MIPOL1: variants seen among roughly 807,000 people sequenced by gnomAD.
MIPOL1 encodes mirror-image polydactyly 1.
MIPOL1 carries 57 observed loss-of-function variants against 60.9 expected under a neutral mutation model. The observed-to-expected ratio is 0.94, with a 90% CI of 0.76 to 1.17. The LOEUF (loss-of-function observed/expected upper bound fraction) is 1.17. Among genes scored for constraint, MIPOL1 ranks in the 50% most tolerant of loss-of-function variants. The pLI is 0.00. For synonymous variants in MIPOL1, 179 were observed against 168.8 expected (o/e 1.06, Z -0.47); for missense variants, 551 against 511.6 (o/e 1.08, Z -0.74).
chr14:37,360,793 A>T (rs1300288173), intron 9 of MIPOL1, among the ~76,000 whole-genome samples: 1 of 152,094 alleles, frequency 6.6e-6, no homozygotes, highest in East Asian at 1.9e-4. Context: ...GATTTTTTTG[A>T]AGGGTTTTTT....
intron 10 of MIPOL1, among the ~76,000 whole-genome samples, chr14:37,378,746 G>A (rs1378107444): frequency 6.6e-6 from 1 of 151,686 alleles, no homozygotes; most frequent in Non-Finnish European, 1.5e-5. Context: ...AAGGAAAGAA[G>A]GTACTTTCCT....
chr14:37,528,262 C>T (rs954690800), intron 12 of MIPOL1, among the ~76,000 whole-genome samples: 2 of 151,850 alleles, frequency 1.3e-5, no homozygotes, highest in Non-Finnish European at 2.9e-5. Flanking sequence ...TGAAAAACTT[C>T]CTATGTTATT....
intron 3 of MIPOL1, among the ~76,000 whole-genome samples, chr14:37,263,816 C>A (rs2082678765): frequency 6.6e-6 from 1 of 152,090 alleles, no homozygotes; most frequent in South Asian, 2.1e-4. Context: ...CGTTTCAAAC[C>A]ATATGAAAGA....
intron 11 of MIPOL1, among the ~76,000 whole-genome samples, chr14:37,492,519 T>C (rs568823920): frequency 1.3e-5 from 2 of 152,226 alleles, no homozygotes; most frequent in Non-Finnish European, 2.9e-5. Flanking sequence ...TTAAAAATTA[T>C]ACAGATATGA....
intron 6 of MIPOL1, among the ~76,000 whole-genome samples, chr14:37,275,269 A>G (rs1371732304): frequency 6.6e-6 from 1 of 151,232 alleles, no homozygotes; most frequent in African/African-American, 2.4e-5. Context: ...TCATTAAATT[A>G]TACATGTGGG....
chr14:37,490,022 A>G (rs2095023861), intron 11 of MIPOL1, among the ~76,000 whole-genome samples: 2 of 152,086 alleles, frequency 1.3e-5, no homozygotes, highest in Admixed American at 1.3e-4. Flanking sequence ...TCAGGCAGGG[A>G]TGTTTAAGTC....
At chr14:37,508,079 A>T (rs1267928594) in intron 12 of MIPOL1, among the ~76,000 whole-genome samples, 1 of 152,144 alleles carries the variant, frequency 6.6e-6, no homozygotes, top group Non-Finnish European at 1.5e-5. Flanking sequence ...GAGAAATGTT[A>T]TCCTCTTAAA....
chr14:37,496,909 A>C (rs2095139498), intron 11 of MIPOL1, among the ~76,000 whole-genome samples: 1 of 151,168 alleles, frequency 6.6e-6, no homozygotes. Flanking sequence ...CTATACTACA[A>C]GGCTACAGTA....
intron 1 of MIPOL1, among the ~76,000 whole-genome samples, chr14:37,225,811 A>C (rs941409771): frequency 6.6e-6 from 1 of 152,120 alleles, no homozygotes; most frequent in African/African-American, 2.4e-5. Flanking sequence ...TCAGGCGGCA[A>C]ATTGTCTGAA....
In MIPOL1 at chr14:37,550,427, A is replaced by G. The variant is rs1197283090; in HGVS notation, c.*3456A>G. The G allele has an allele frequency of 6.6e-6, 1 of 151,314 alleles. No homozygotes were observed. The highest frequency in any genetic ancestry group is 1.9e-4 in the East Asian group (1 of 5,190). 9.4% of individuals were successfully genotyped at this position (151,314 alleles called of 1,614,324 possible). A position where few individuals can be genotyped will look rare whatever the true frequency, so the allele number is the denominator to read the frequency against. ...CACATATGATGTGTTTGGAACCCAA[A>G]TTTTTTACTGATTTTATTGTGTTGT... On this transcript the variant is annotated 3_prime_UTR_variant, in exon 13 of 13. Coordinates refer to ENST00000684589, the MANE Select transcript of MIPOL1 (RefSeq NM_001388067.1).
At chr14:37,291,847 G>T (rs1393720503) in intron 7 of MIPOL1, among the ~76,000 whole-genome samples, 1 of 151,298 alleles carries the variant, frequency 6.6e-6, no homozygotes, top group African/African-American at 2.4e-5. Flanking sequence ...TAAGAGAGGA[G>T]CCTAGTGGCC....
intron 1 of MIPOL1, among the ~76,000 whole-genome samples, chr14:37,216,158 G>C (rs1340149373): frequency 6.6e-6 from 1 of 151,410 alleles, no homozygotes; most frequent in African/African-American, 2.4e-5. Flanking sequence ...AGGCAAAATA[G>C]ATTTCAAGAC....
At chr14:37,405,610 G>T (rs1255524674) in intron 10 of MIPOL1, among the ~76,000 whole-genome samples, 6 of 151,856 alleles carry the variant, frequency 4.0e-5, no homozygotes, top group Non-Finnish European at 8.8e-5. Flanking sequence ...TAAGATATTT[G>T]CTGGCTTGGA....
chr14:37,457,959 A>G (rs1292123366), intron 11 of MIPOL1, among the ~76,000 whole-genome samples: 1 of 152,132 alleles, frequency 6.6e-6, no homozygotes, highest in African/African-American at 2.4e-5. Flanking sequence ...TCATGGGTAG[A>G]CACTCATACA....
At chr14:37,360,549 G>A (rs977909435) in intron 9 of MIPOL1, among the ~76,000 whole-genome samples, 1 of 152,032 alleles carries the variant, frequency 6.6e-6, no homozygotes. Flanking sequence ...GTCTTGGGAG[G>A]GTGTACGTGT....
In MIPOL1 at chr14:37,293,692, C is replaced by T. The variant is rs867081043; in HGVS notation, c.623+8245C>T. Among the ~76,000 whole-genome samples the T allele has an allele frequency of 2.0e-5, 3 of 152,154 alleles. No individual in the cohort carries two copies. The South Asian group carries it at 6.2e-4, about 32-fold the overall frequency. On this transcript the variant is annotated intron_variant, in intron 7 of 12. Coordinates refer to ENST00000684589, the MANE Select transcript of MIPOL1 (RefSeq NM_001388067.1). ...CACCTAGATCGGAGGGTCCTATGCC[C>T]ACGGAGCCTCTCTCATTGCCAGCAC...
chr14:37,514,033 C>A (rs1045396403), intron 12 of MIPOL1, among the ~76,000 whole-genome samples: 18 of 152,088 alleles, frequency 1.2e-4, no homozygotes, highest in Admixed American at 1.1e-3. Context: ...ATTACAGAAT[C>A]CACTTACGAT....
intron 1 of MIPOL1, among the ~76,000 whole-genome samples, chr14:37,232,151 T>C (rs1295171290): frequency 6.6e-6 from 1 of 152,200 alleles, no homozygotes; most frequent in East Asian, 1.9e-4. Flanking sequence ...GCTTGACTTC[T>C]GCAGTGTACC....
At chr14:37,409,467 T>A (rs1269446889) in intron 10 of MIPOL1, among the ~76,000 whole-genome samples, 1 of 152,112 alleles carries the variant, frequency 6.6e-6, no homozygotes, top group Non-Finnish European at 1.5e-5. Context: ...CTGTGAGACA[T>A]TGACCATCAG....
Sources: allele counts gnomAD v4.1 joint callset (sites outside exome capture counted in the v4.1 genomes callset), GRCh38; gene constraint gnomAD v4.1.1; transcripts MANE v1.5; gene names NCBI Gene and HGNC (gene_info 2026-07-23, HGNC 2026-07-21).